ATF1: variants seen among roughly 807,000 people sequenced by gnomAD.
The protein encoded by ATF1 is activating transcription factor 1.
ATF1 carries 16 observed loss-of-function variants against 34.7 expected under a neutral mutation model. The ratio of observed to expected loss-of-function variants is 0.46; its 90% confidence interval spans 0.31 to 0.70. The LOEUF (loss-of-function observed/expected upper bound fraction) is 0.70. Ranked by LOEUF, ATF1 falls within the 30% of genes least tolerant of loss-of-function variation. The probability of loss-of-function intolerance (pLI) is 0.05; values close to 1 mark genes in which losing one functional copy is unlikely to be tolerated. For missense variants in ATF1, 255 were observed against 321.6 expected, an observed-to-expected ratio of 0.79 and a Z score of 1.58; for synonymous variants, 105 against 113.1, an observed-to-expected ratio of 0.93 and a Z score of 0.46.
intron 3 of ATF1, among the ~76,000 whole-genome samples, chr12:50,797,666 C>G (rs1941435120): frequency 6.6e-6 from 1 of 151,772 alleles, no homozygotes; most frequent in Non-Finnish European, 1.5e-5. Flanking sequence ...AGATAGAGTC[C>G]CACTATGTTG....
chr12:50,803,829 T>G (rs1941562762), intron 3 of ATF1, among the ~76,000 whole-genome samples: 1 of 152,234 alleles, frequency 6.6e-6, no homozygotes, highest in South Asian at 2.1e-4. Flanking sequence ...AATATTAAAC[T>G]AAAAGAAGTC....
intron 2 of ATF1, chr12:50,788,065 TAGG>T (rs1210756344): frequency 5.5e-5 from 21 of 385,162 alleles, no homozygotes; most frequent in Non-Finnish European, 1.1e-4. Flanking sequence ...GTCAGTGAGG[TAGG>T]AGGAAAATCA....
intron 6 of ATF1, among the ~76,000 whole-genome samples, chr12:50,818,434 G>A (rs114815484): frequency 5.7e-4 from 86 of 152,196 alleles, no homozygotes; most frequent in African/African-American, 2.0e-3. Context: ...AAAAGAAAAA[G>A]AATGTTTACT....
intron 1 of ATF1, among the ~76,000 whole-genome samples, chr12:50,776,840 T>A (rs1940938330): frequency 6.6e-6 from 1 of 152,180 alleles, no homozygotes; most frequent in African/African-American, 2.4e-5. Context: ...TTATGCACAT[T>A]CCCTGGATGC....
intron 1 of ATF1, among the ~76,000 whole-genome samples, chr12:50,772,699 A>AT (rs1014591507): frequency 2.1e-4 from 30 of 143,460 alleles, no homozygotes; most frequent in African/African-American, 7.0e-4. Flanking sequence ...TCTCTCTTTT[A>AT]TTTTAAGAGA....
chr12:50,799,764 A>AG (rs1262286575), intron 3 of ATF1, among the ~76,000 whole-genome samples: 2 of 152,218 alleles, frequency 1.3e-5, no homozygotes, highest in African/African-American at 4.8e-5. Context: ...TGGAAATGAG[A>AG]GAAAAAACGA....
intron 2 of ATF1, among the ~76,000 whole-genome samples, chr12:50,780,446 A>G (rs10876088): frequency 0.91 from 138,280 of 151,196 alleles, 63,746 homozygotes; most frequent in Non-Finnish European, 0.98. Flanking sequence ...CTGGGTTCAA[A>G]CAATTCTCCT....
chr12:50,766,719 G>A (rs976731726), intron 1 of ATF1, among the ~76,000 whole-genome samples: 18 of 148,850 alleles, frequency 1.2e-4, no homozygotes, highest in African/African-American at 3.5e-4. Flanking sequence ...CCTTTGCTGC[G>A]TACAAGCGGC....
At chr12:50,789,346 G>A (rs1183802701) in intron 2 of ATF1, among the ~76,000 whole-genome samples, 2 of 152,200 alleles carry the variant, frequency 1.3e-5, no homozygotes, top group East Asian at 3.8e-4. Flanking sequence ...TTACAGGTGT[G>A]AGCCACCATG....
chr12:50,766,219 A>G (rs967293732), intron 1 of ATF1, among the ~76,000 whole-genome samples: 7 of 152,142 alleles, frequency 4.6e-5, no homozygotes, highest in Non-Finnish European at 8.8e-5. Context: ...CCCAGTATTT[A>G]TGTTTAGGAG....
intron 3 of ATF1, among the ~76,000 whole-genome samples, chr12:50,807,792 TTG>T (rs1036719423): frequency 7.0e-6 from 1 of 142,552 alleles, no homozygotes; most frequent in Non-Finnish European, 1.5e-5. Flanking sequence ...CTACCCCCAA[TTG>T]TGTGTGTGTT....
chr12:50,790,976 AC>A (rs34298178), intron 2 of ATF1, among the ~76,000 whole-genome samples: 35,698 of 151,904 alleles, frequency 0.24, 4,944 homozygotes, highest in East Asian at 0.41. Context: ...TTTGGCTGGA[AC>A]AAACAGTAAA....
chr12:50,814,459 T>C lies in ATF1; in HGVS notation c.671+20T>C. 1 of 1,608,124 alleles carries C rather than the reference T, an allele frequency of 6.2e-7. No individual in the cohort carries two copies. ...AAACAGGTAGGTAGTAAAATCGTAG[T>C]ACCAGAATGGGTAATGTTTTTACAA... On this transcript the variant is annotated intron_variant, in intron 6 of 6. Transcript: ENST00000262053.
intron 4 of ATF1, among the ~76,000 whole-genome samples, chr12:50,813,694 A>C (rs979469365): frequency 5.3e-5 from 8 of 152,226 alleles, no homozygotes; most frequent in African/African-American, 1.9e-4. Context: ...CACACCTGTA[A>C]TCCCAGCTCC....
Position 50,814,302 on chromosome 12 carries a change from A to C in ATF1, c.534A>C (p.Thr178=). ...TAGCTGCATCAGGAGATATGCAAACATATCAGATCCGAACTACACCTTCAG... is the reference window on the plus strand; with the variant it reads ...TAGCTGCATCAGGAGATATGCAAACCTATCAGATCCGAACTACACCTTCAG... ...VVQTASGDMQ[T]YQIRTTPSAT... The change falls in exon 6 of 7, where the codon ACA becomes ACC. Residue 178 remains threonine (T), a synonymous_variant. Coordinates refer to ENST00000262053, the MANE Select transcript of ATF1 (RefSeq NM_005171.5). The C allele has an allele frequency of 6.2e-7, 1 of 1,614,236 alleles. No individual in the cohort carries two copies. The highest frequency in any genetic ancestry group is 8.5e-7 in the Non-Finnish European group (1 of 1,180,040).
At chr12:50,812,409 T>C (rs1044957824) in intron 4 of ATF1, among the ~76,000 whole-genome samples, 1 of 152,008 alleles carries the variant, frequency 6.6e-6, no homozygotes, top group South Asian at 2.1e-4. Context: ...GAAAATGAAA[T>C]AGAGATAGAT....
chr12:50,815,774 C>T (rs1290308625), intron 6 of ATF1, among the ~76,000 whole-genome samples: 1 of 151,982 alleles, frequency 6.6e-6, no homozygotes, highest in East Asian at 1.9e-4. Flanking sequence ...GAAATCTACC[C>T]AAAGGAAAAG....
chr12:50,776,414 G>A (rs1940925451), intron 1 of ATF1, among the ~76,000 whole-genome samples: 1 of 148,214 alleles, frequency 6.7e-6, no homozygotes, highest in Non-Finnish European at 1.5e-5. Flanking sequence ...GATCACTTGA[G>A]CCCAGTAGAT....
At position 50,808,015 on chromosome 12, in the gene ATF1, G is replaced by A. The variant is rs1198756425; in HGVS notation, c.195-1441G>A. Among the ~76,000 whole-genome samples the A allele has an allele frequency of 2.6e-5, 4 of 152,140 alleles. No homozygotes were observed. In the East Asian group the frequency reaches 7.8e-4, roughly 29 times the overall value. ...AGTAGAGATGGGGTTTTGCCAAGTT[G>A]GCCAGGCTGGTCTTGAACTCCGGAC... On this transcript the variant is annotated intron_variant, in intron 3 of 6. Coordinates refer to ENST00000262053, the MANE Select transcript of ATF1 (RefSeq NM_005171.5).
Sources: allele counts gnomAD v4.1 joint callset (sites outside exome capture counted in the v4.1 genomes callset), GRCh38; gene constraint gnomAD v4.1.1; transcripts MANE v1.5; gene names NCBI Gene and HGNC (gene_info 2026-07-23, HGNC 2026-07-21).